Variants in WSB1 observed in about 807,000 individuals in gnomAD.
WSB1 encodes WD repeat and SOCS box containing 1.
A neutral mutation model predicts 50.2 loss-of-function variants in WSB1; 23 were observed. The observed-to-expected ratio is 0.46, with a 90% CI of 0.33 to 0.65. The LOEUF is 0.65. WSB1 is among the 30% of genes least tolerant of loss of function. The pLI, the probability that WSB1 is intolerant of heterozygous loss-of-function variation, is 0.02. For missense variants in WSB1, 492 were observed against 522.3 expected (o/e 0.94, Z 0.56); for synonymous variants, 179 against 172.0 (o/e 1.04, Z -0.32).
In WSB1 at chr17:27,312,599, A is replaced by T; in HGVS notation, c.*230A>T. The T allele has an allele frequency of 2.0e-6, 1 of 505,754 alleles. No individual in the cohort carries two copies. Among genetic ancestry groups the T allele is most frequent in the Non-Finnish European group, 3.3e-6 (1 of 299,190 alleles). The allele number at this position is 505,754 out of a possible 1,614,324, so 31.3% of individuals were successfully genotyped here. A position where few individuals can be genotyped will look rare whatever the true frequency, so the allele number is the denominator to read the frequency against. ...TTTTTAAAGATCTAACTGTGAAAAC[A>T]TACATACCTGTACATATTTAGATAT... On this transcript the variant is annotated 3_prime_UTR_variant, in exon 9 of 9. Transcript: ENST00000262394.
At chr17:27,309,588 GAT>G (rs1567692125) in intron 6 of WSB1, among the ~76,000 whole-genome samples, 1 of 134,924 alleles carries the variant, frequency 7.4e-6, no homozygotes, top group Non-Finnish European at 1.6e-5. Flanking sequence ...AATCATAAAA[GAT>G]TTTTTTTTTT....
intron 2 of WSB1, 182 bp downstream of exon 2, chr17:27,302,138 C>A: frequency 1.3e-6 from 1 of 783,920 alleles, no homozygotes; most frequent in Non-Finnish European, 1.8e-6. Flanking sequence ...GGGCCGGGCG[C>A]GGCGGCTCAG....
Position 27,306,786 on chromosome 17 carries a change from CATG to C in WSB1, c.620_622del (p.Met207del). 2.5e-6 allele frequency: 4 copies of C among 1,613,962 alleles called. No individual in the cohort carries two copies. The highest frequency in any genetic ancestry group is 3.4e-6 in the Non-Finnish European group (4 of 1,179,962). ...AGATTATTTCTTTTTGTTCAGGAAA[CATG>C]ATGAAAGTATTGAGGGGGCATCAGA... On this transcript the variant is annotated inframe_deletion, in exon 5 of 9. Transcript: ENST00000262394.
intron 1 of WSB1, among the ~76,000 whole-genome samples, chr17:27,301,221 C>CT (rs1289646426): frequency 4.6e-5 from 7 of 152,086 alleles, no homozygotes; most frequent in African/African-American, 1.7e-4. Flanking sequence ...ACTAGACAAC[C>CT]TGTAAGTCTC....
intron 7 of WSB1, among the ~76,000 whole-genome samples, chr17:27,310,792 T>C (rs190031174): frequency 6.6e-6 from 1 of 152,358 alleles, no homozygotes; most frequent in East Asian, 1.9e-4. Context: ...AGTTCTCTGC[T>C]GTATTTGTAG....
At chr17:27,301,724 G>A (rs1385714362) in intron 1 of WSB1, 64 bp from the exon 2 acceptor site, 2 of 1,547,942 alleles carry the variant, frequency 1.3e-6, no homozygotes, top group Admixed American at 1.7e-5. Flanking sequence ...AAAGTAATAT[G>A]GAAGCAGTCT....
At position 27,310,181 on chromosome 17, in the gene WSB1, A is replaced by T. The variant is rs770691664; in HGVS notation, c.998+7A>T. 5 of 1,610,928 alleles carry T rather than the reference A, an allele frequency of 3.1e-6. No individual in the cohort carries two copies. The East Asian group carries it at 1.1e-4, about 36-fold the overall frequency. ...CAAGCCTTGCTGATGATAAGTAAGT[A>T]TGTGCATTATAGCTTGACTGACTTA... On this transcript the variant is annotated splice_region_variant and intron_variant, in intron 7 of 8. Coordinates refer to ENST00000262394, the MANE Select transcript of WSB1 (RefSeq NM_015626.10).
In WSB1 at chr17:27,313,802, C is replaced by T. The variant is rs1308233372; in HGVS notation, c.*1433C>T. ...ATTCAGGGCTCCCCGAGTGCAGCAG[C>T]TCTTATGGTGGTTTTGTTTTTAGGA... On this transcript the variant is annotated 3_prime_UTR_variant, in exon 9 of 9. Coordinates refer to ENST00000262394, the MANE Select transcript of WSB1 (RefSeq NM_015626.10). 6 of 152,140 alleles carry T rather than the reference C, an allele frequency of 3.9e-5. No homozygotes were observed. The highest frequency in any genetic ancestry group is 4.4e-5 in the Non-Finnish European group (3 of 68,028). 9.4% of individuals were successfully genotyped at this position (152,140 alleles called of 1,614,324 possible). A position where few individuals can be genotyped will look rare whatever the true frequency, so the allele number is the denominator to read the frequency against.
intron 1 of WSB1, among the ~76,000 whole-genome samples, chr17:27,296,482 ATTAAAAGCCAAGCCAAGTT>A (rs2016987486): frequency 6.6e-6 from 1 of 152,106 alleles, no homozygotes; most frequent in Admixed American, 6.6e-5. Context: ...TTGGGTGTTA[ATTAAAAGCCAAGCCAAGTT>A]TAGTTTCTCA....
intron 8 of WSB1, among the ~76,000 whole-genome samples, chr17:27,311,904 TC>T (rs975404866): frequency 1.3e-5 from 2 of 152,110 alleles, no homozygotes; most frequent in African/African-American, 4.8e-5. Context: ...CGCCTCAACT[TC>T]CCAAAGTGCT....
In WSB1 at chr17:27,309,226, G is replaced by A. The variant is rs762491200; in HGVS notation, c.838G>A (p.Val280Ile). 2.5e-6 allele frequency: 4 copies of A among 1,611,862 alleles called. No homozygotes were observed. The highest frequency in any genetic ancestry group is 1.7e-4 in the Middle Eastern group (1 of 6,046). The part of the protein sequence containing the change: ...LLATASYDTR[V>I]YIWDPHNGDI... ...GGCTACTGCATCTTATGATACTCGA[G>A]TATATATCTGGGATCCACATAATGG... Residue 280 changes from valine (V) to isoleucine (I), a missense_variant, in exon 6 of 9, where the codon GTA (valine) becomes ATA (isoleucine). By Grantham distance (29) the Val-to-Ile change is conservative. Transcript: ENST00000262394.
intron 1 of WSB1, among the ~76,000 whole-genome samples, chr17:27,295,525 T>C (rs1326499189): frequency 6.6e-6 from 1 of 150,800 alleles, no homozygotes; most frequent in Non-Finnish European, 1.5e-5. Context: ...CTGGTTTTAA[T>C]AACCATTTTT....
At chr17:27,303,332 A>G (rs1404662587) in intron 2 of WSB1, 35 bp from the exon 3 acceptor site, 1 of 1,606,154 alleles carries the variant, frequency 6.2e-7, no homozygotes, top group South Asian at 1.1e-5. Flanking sequence ...AGAGTGAATA[A>G]TAATACAATT....
At chr17:27,296,361 C>A (rs926427801) in intron 1 of WSB1, among the ~76,000 whole-genome samples, 1 of 151,370 alleles carries the variant, frequency 6.6e-6, no homozygotes, top group African/African-American at 2.4e-5. Context: ...TTTTTTTAAC[C>A]CCAGTTTTTT....
At chr17:27,294,770 T>C (rs1294471778) in intron 1 of WSB1, among the ~76,000 whole-genome samples, 1 of 152,140 alleles carries the variant, frequency 6.6e-6, no homozygotes, top group Non-Finnish European at 1.5e-5. Flanking sequence ...GAAGGGCCAC[T>C]CAGGGACTTT....
chr17:27,312,329 T>C lies in WSB1; in HGVS notation c.1226T>C (p.Ile409Thr). ...ACCCAAGAAGTTCAGGAGCTGCCGA[T>C]TCCTTCCAAGCTTTTGGAGTTTCTC... Reference protein sequence around the residue: ...MPTQEVQELPIPSKLLEFLSY... With the variant: ...MPTQEVQELPTPSKLLEFLSY... The change falls in exon 9 of 9, where the codon ATT becomes ACT. Residue 409 changes from isoleucine to threonine, a missense_variant. Coordinates refer to ENST00000262394, the MANE Select transcript of WSB1 (RefSeq NM_015626.10). 6.2e-7 allele frequency: 1 copy of C among 1,614,160 alleles called. No individual in the cohort carries two copies. The highest frequency in any genetic ancestry group is 8.5e-7 in the Non-Finnish European group (1 of 1,180,006).
intron 1 of WSB1, among the ~76,000 whole-genome samples, chr17:27,299,388 G>A (rs2017128528): frequency 6.6e-6 from 1 of 152,068 alleles, no homozygotes; most frequent in African/African-American, 2.4e-5. Context: ...GTGCATGTCT[G>A]TGGTCCCAGC....
rs535358876 is a variant in WSB1, at chr17:27,314,028, A to C, written c.*1659A>C. On this transcript the variant is annotated 3_prime_UTR_variant, in exon 9 of 9. Coordinates refer to ENST00000262394, the MANE Select transcript of WSB1 (RefSeq NM_015626.10). ...TAAAAAAGCAAAACTCTTATGAGCC[A>C]TGTGTGATTTTGAAGACTCATTTCC... The C allele has an allele frequency of 3.9e-5, 6 of 152,304 alleles. No individual in the cohort carries two copies. The East Asian group carries it at 9.7e-4, about 25-fold the overall frequency. The allele number at this position is 152,304 out of a possible 1,614,324, so 9.4% of individuals were successfully genotyped here.
chr17:27,308,295 A>G (rs2017537443), intron 5 of WSB1: 1 of 985,964 alleles, frequency 1.0e-6, no homozygotes, highest in African/African-American at 1.7e-5. Context: ...AATATAACAG[A>G]CTGAAGTAAA....
Sources: allele counts gnomAD v4.1 joint callset (sites outside exome capture counted in the v4.1 genomes callset), GRCh38; gene constraint gnomAD v4.1.1; transcripts MANE v1.5; gene names NCBI Gene and HGNC (gene_info 2026-07-23, HGNC 2026-07-21).